Variants in GRID1 observed in about 807,000 individuals in gnomAD.
The protein encoded by GRID1 is glutamate ionotropic receptor delta type subunit 1.
Under a neutral mutation model 98.0 loss-of-function variants are expected in GRID1, and 28 were observed. The observed-to-expected ratio is 0.29, with a 90% CI of 0.21 to 0.39. The LOEUF (loss-of-function observed/expected upper bound fraction) is 0.39. Among genes scored for constraint, GRID1 ranks in the 10% least tolerant of loss-of-function variants. The probability of loss-of-function intolerance (pLI) is 1.00; values close to 1 mark genes in which losing one functional copy is unlikely to be tolerated. For missense variants in GRID1, 1,111 were observed against 1,340.5 expected, an observed-to-expected ratio of 0.83 and a Z score of 2.67; for synonymous variants, 553 against 538.5, an observed-to-expected ratio of 1.03 and a Z score of -0.37.
intron 12 of GRID1, among the ~76,000 whole-genome samples, chr10:85,673,770 G>A (rs997372263): frequency 4.6e-5 from 7 of 152,154 alleles, no homozygotes; most frequent in African/African-American, 1.4e-4. Flanking sequence ...TTTATTTATT[G>A]CAATATTCAC....
intron 3 of GRID1, among the ~76,000 whole-genome samples, chr10:86,164,206 A>AT (rs982696828): frequency 6.6e-6 from 1 of 152,250 alleles, no homozygotes; most frequent in Non-Finnish European, 1.5e-5. Flanking sequence ...ACAAAAATCA[A>AT]TGAGTTTTAA....
At chr10:86,163,685 G>A (rs1186053811) in intron 3 of GRID1, among the ~76,000 whole-genome samples, 2 of 152,182 alleles carry the variant, frequency 1.3e-5, no homozygotes, top group Non-Finnish European at 2.9e-5. Context: ...GCCTCTGGCT[G>A]CTCTTCTGGC....
At chr10:86,183,339 A>ATTATTTATTTAT (rs58071795) in intron 3 of GRID1, among the ~76,000 whole-genome samples, 9 of 149,642 alleles carry the variant, frequency 6.0e-5, no homozygotes, top group Admixed American at 1.3e-4. Context: ...ATATACCACA[A>ATTATTTATTTAT]TTATTTATTT....
chr10:86,364,167 C>A, intron 1 of GRID1, 71 bp from the exon 2 acceptor site: 2 of 1,334,464 alleles, frequency 1.5e-6, no homozygotes, highest in South Asian at 1.3e-5. Flanking sequence ...GCCCGAGGGT[C>A]AAGGCACTCG....
At chr10:86,207,424 C>T (rs912892546) in intron 2 of GRID1, among the ~76,000 whole-genome samples, 2 of 152,176 alleles carry the variant, frequency 1.3e-5, no homozygotes, top group Non-Finnish European at 2.9e-5. Context: ...AGGGCTGACA[C>T]GCTCAGGGGC....
chr10:85,604,063 C>T (rs950272105), intron 15 of GRID1, among the ~76,000 whole-genome samples: 1 of 152,130 alleles, frequency 6.6e-6, no homozygotes, highest in African/African-American at 2.4e-5. Context: ...TAGGCATGAG[C>T]CCTGACCAGA....
At chr10:85,836,831 T>C (rs1842915501) in intron 8 of GRID1, among the ~76,000 whole-genome samples, 1 of 142,338 alleles carries the variant, frequency 7.0e-6, no homozygotes. Flanking sequence ...AGCATCACCA[T>C]GCCTGCTTAT....
chr10:85,957,238 G>A (rs533897662), intron 4 of GRID1, among the ~76,000 whole-genome samples: 1 of 152,312 alleles, frequency 6.6e-6, no homozygotes, highest in East Asian at 1.9e-4. Flanking sequence ...ATATCACACT[G>A]CCAAAGCTAT....
intron 5 of GRID1, among the ~76,000 whole-genome samples, chr10:85,891,966 G>C (rs527485540): frequency 6.6e-6 from 1 of 151,702 alleles, no homozygotes; most frequent in South Asian, 2.1e-4. Context: ...AGGAAAACAG[G>C]ACATTAAAAT....
Position 86,216,444 on chromosome 10 carries a change from C to T in GRID1, c.236-9796G>A, listed in dbSNP as rs964399986. Among the ~76,000 whole-genome samples, 5 of 152,168 alleles carry T rather than the reference C, an allele frequency of 3.3e-5. No homozygotes were observed. The South Asian group carries it at 1.0e-3, about 32-fold the overall frequency. On this transcript the variant is annotated intron_variant, in intron 2 of 15. Transcript: ENST00000327946. ...GATGGAACTTATGTTAGGAATGAGG[C>T]AATGGAAAATTCTGTCTTGTCCAAG...
chr10:85,927,443 A>C (rs1237456366), intron 4 of GRID1, among the ~76,000 whole-genome samples: 1 of 152,028 alleles, frequency 6.6e-6, no homozygotes, highest in Admixed American at 6.5e-5. Context: ...CTTTTACCCC[A>C]TAAGCTGCGA....
chr10:86,080,440 AG>A lies in GRID1; in HGVS notation c.726+58378del, dbSNP rs1178275239. Among the ~76,000 whole-genome samples, 30 of 13,606 alleles carry A rather than the reference AG, an allele frequency of 2.2e-3. 1 individual carries two copies. Among genetic ancestry groups the A allele is most frequent in the African/African-American group, 6.1e-3 (11 of 1,810 alleles). 8.9% of individuals were successfully genotyped at this position (13,606 alleles called of 152,430 possible). A position where few individuals can be genotyped will look rare whatever the true frequency, so the allele number is the denominator to read the frequency against. ...AGGGGAGGGGAGGGGAGGGGAGGGG[AG>A]GGGAGGGGAGGGGAGGGGAGGGGAG... On this transcript the variant is annotated intron_variant, in intron 4 of 15. Transcript: ENST00000327946.
At chr10:86,112,048 G>C (rs1024313477) in intron 4 of GRID1, among the ~76,000 whole-genome samples, 10 of 152,224 alleles carry the variant, frequency 6.6e-5, no homozygotes, top group African/African-American at 2.4e-4. Flanking sequence ...CTGCAGGTAG[G>C]CACTTTCAGG....
intron 4 of GRID1, among the ~76,000 whole-genome samples, chr10:86,057,315 T>A (rs913488665): frequency 1.3e-5 from 2 of 152,212 alleles, no homozygotes; most frequent in Non-Finnish European, 2.9e-5. Context: ...ATGAGGTGGA[T>A]GAGAACTCTG....
intron 4 of GRID1, among the ~76,000 whole-genome samples, chr10:85,925,297 G>A (rs1841759797): frequency 6.6e-6 from 1 of 152,228 alleles, no homozygotes. Context: ...TTGTCTCACA[G>A]AGGAGCAAGA....
intron 8 of GRID1, among the ~76,000 whole-genome samples, chr10:85,755,798 A>C (rs975962728): frequency 4.6e-5 from 7 of 152,072 alleles, no homozygotes; most frequent in African/African-American, 1.7e-4. Flanking sequence ...AAAGGTCTGG[A>C]ACAAACTTGA....
At chr10:86,041,597 C>T (rs1843346104) in intron 4 of GRID1, among the ~76,000 whole-genome samples, 1 of 152,134 alleles carries the variant, frequency 6.6e-6, no homozygotes, top group Non-Finnish European at 1.5e-5. Flanking sequence ...AGTCACTCTT[C>T]CTGGGTTCAA....
At chr10:86,113,591 C>T (rs886655606) in intron 4 of GRID1, among the ~76,000 whole-genome samples, 2 of 152,126 alleles carry the variant, frequency 1.3e-5, no homozygotes, top group African/African-American at 2.4e-5. Context: ...TTTGCCTCTC[C>T]CTCTCTCACA....
chr10:85,619,771 T>A (rs1842836336), intron 14 of GRID1, 96 bp downstream of exon 14: 1 of 894,442 alleles, frequency 1.1e-6, no homozygotes, highest in African/African-American at 1.7e-5. Context: ...CGAACAAAGA[T>A]GTTTGCATTG....
Sources: allele counts gnomAD v4.1 joint callset (sites outside exome capture counted in the v4.1 genomes callset), GRCh38; gene constraint gnomAD v4.1.1; transcripts MANE v1.5; gene names NCBI Gene and HGNC (gene_info 2026-07-23, HGNC 2026-07-21).